Variants in RPRD2 observed in about 807,000 individuals in gnomAD.
RPRD2 encodes regulation of nuclear pre-mRNA domain containing 2, also known as regulation of nuclear pre-mRNA domain-containing protein 2.
In RPRD2, 12 loss-of-function variants were observed where a neutral mutation model predicts 104.4. The ratio of observed to expected loss-of-function variants is 0.11; its 90% CI spans 0.07 to 0.19. The LOEUF (loss-of-function observed/expected upper bound fraction) is 0.19, where lower values mean the gene tolerates loss of function less well. Among genes scored for constraint, RPRD2 ranks in the 10% least tolerant of loss-of-function variants. RPRD2 has a pLI of 1.00. For synonymous variants in RPRD2, 714 were observed against 684.9 expected (o/e 1.04, Z -0.66); for missense variants, 1,543 against 1,790.1 (o/e 0.86, Z 2.49).
At chr1:150,460,347 G>A (rs1264646294) in intron 9 of RPRD2, 30 bp downstream of exon 9, 1 of 1,573,314 alleles carries the variant, frequency 6.4e-7, no homozygotes, top group African/African-American at 1.4e-5. Context: ...AGGATAAAAA[G>A]TTAATTTCCA....
chr1:150,471,520 C>T lies in RPRD2; in HGVS notation c.2572C>T (p.Leu858=). ...NLEKKPAKSI[L]KSSKLSDTTE... is the part of the protein sequence containing the mutation. ...AGAGAAGAAACCAGCCAAATCTATC[C>T]TGAAATCAAGCAAGCTGTCTGATAC... is the stretch of plus-strand genomic sequence containing the variant. The change falls in exon 11 of 11, where the codon CTG becomes TTG. Residue 858 remains leucine (L), a synonymous_variant. Transcript: ENST00000369068. This position sits in a 1 kb window ranked among gnomAD's most constrained non-coding sequence, Gnocchi z 5.3. 1 of 1,613,856 alleles carries T rather than the reference C, an allele frequency of 6.2e-7. No individual in the cohort carries two copies. The highest frequency in any genetic ancestry group is 8.5e-7 in the Non-Finnish European group (1 of 1,179,858).
chr1:150,444,500 G>C, intron 6 of RPRD2, 123 bp downstream of exon 6: 2 of 856,318 alleles, frequency 2.3e-6, no homozygotes, highest in Non-Finnish European at 3.5e-6. Flanking sequence ...GGCACCTCTG[G>C]TTTCCCAGGT....
intron 1 of RPRD2, among the ~76,000 whole-genome samples, chr1:150,376,722 G>A (rs61817501): frequency 0.035 from 5,323 of 150,970 alleles, 150 homozygotes; most frequent in Non-Finnish European, 0.046. Context: ...GGATGGTCTC[G>A]ATCTCCTGAC....
In RPRD2 at chr1:150,410,595, A is replaced by G. The variant is rs1039361366; in HGVS notation, c.206-7001A>G. ...AGATTCCCATTATTAACATTTTAAC[A>G]TATTTGCTTTATCTCTCTTACTGCT... On this transcript the variant is annotated intron_variant, in intron 1 of 10. Coordinates refer to ENST00000369068, the MANE Select transcript of RPRD2 (RefSeq NM_015203.5). 3.9e-5 allele frequency among the ~76,000 whole-genome samples: 6 copies of G among 152,184 alleles called. No homozygotes were observed. In the East Asian group the frequency reaches 5.8e-4, roughly 15 times the overall value.
intron 1 of RPRD2, among the ~76,000 whole-genome samples, chr1:150,403,608 T>G (rs756568300): frequency 5.9e-5 from 9 of 152,154 alleles, no homozygotes; most frequent in Non-Finnish European, 1.3e-4. Context: ...CTCCTTCTTA[T>G]GGGTGGATAA....
chr1:150,415,167 A>G (rs1391822207), intron 1 of RPRD2, among the ~76,000 whole-genome samples: 3 of 152,014 alleles, frequency 2.0e-5, no homozygotes, highest in Non-Finnish European at 2.9e-5. Flanking sequence ...CATCTCTACT[A>G]AAAATACAAA....
chr1:150,391,440 C>T (rs1553883106), intron 1 of RPRD2, among the ~76,000 whole-genome samples: 1 of 152,088 alleles, frequency 6.6e-6, no homozygotes, highest in African/African-American at 2.4e-5. Flanking sequence ...AGGTGTGAGC[C>T]ACCACACTGG....
chr1:150,454,583 C>T (rs782650803), intron 7 of RPRD2, among the ~76,000 whole-genome samples: 37 of 152,152 alleles, frequency 2.4e-4, no homozygotes, highest in Non-Finnish European at 3.7e-4. Flanking sequence ...CACAGTGGCT[C>T]ACACGTGTAA....
intron 1 of RPRD2, among the ~76,000 whole-genome samples, chr1:150,388,662 T>G (rs1179245992): frequency 1.3e-5 from 2 of 151,136 alleles, no homozygotes; most frequent in African/African-American, 2.4e-5. Flanking sequence ...TCGCCCAGGC[T>G]GGAGTGCAGT....
Position 150,457,269 on chromosome 1 carries a change from C to A in RPRD2, c.871-19C>A. 1 of 1,596,442 alleles carries A rather than the reference C, an allele frequency of 6.3e-7. No individual in the cohort carries two copies. The highest frequency in any genetic ancestry group is 1.1e-5 in the South Asian group (1 of 88,044). ...TTCTGGTCTTTTTCCAAGGAGTAAA[C>A]TCCTTTTTTCTCTTTTAGGCATATA... is the stretch of plus-strand genomic sequence containing the variant. On this transcript the variant is annotated intron_variant, in intron 7 of 10. Coordinates refer to ENST00000369068, the MANE Select transcript of RPRD2 (RefSeq NM_015203.5).
chr1:150,441,351 GC>G (rs1337523491), intron 3 of RPRD2: 1 of 235,928 alleles, frequency 4.2e-6, no homozygotes, highest in African/African-American at 2.3e-5. Flanking sequence ...ACTGCCCTGT[GC>G]CCTTACTGTT....
chr1:150,436,962 T>A (rs1448977882), intron 2 of RPRD2, among the ~76,000 whole-genome samples: 1 of 152,092 alleles, frequency 6.6e-6, no homozygotes, highest in Non-Finnish European at 1.5e-5. Context: ...TCCCAGCACT[T>A]TGGAAGTCCG....
At chr1:150,399,177 T>G (rs1173346801) in intron 1 of RPRD2, among the ~76,000 whole-genome samples, 1 of 151,800 alleles carries the variant, frequency 6.6e-6, no homozygotes, top group African/African-American at 2.4e-5. Flanking sequence ...TATCTTTTAA[T>G]TTTTCTTTAT....
rs587764066 is a variant in RPRD2, at chr1:150,464,564, C to T, written c.1449C>T (p.Pro483=). The change falls in exon 10 of 11, where the codon CCC becomes CCT. Residue 483 remains proline (P), a synonymous_variant. Coordinates refer to ENST00000369068, the MANE Select transcript of RPRD2 (RefSeq NM_015203.5). ...SPASRPSPGT[P]TSPSNLTSGL... ...CATCAAGACCTTCTCCAGGAACGCCCACCAGCCCCAGCAACCTCACCAGTG... is the reference window on the plus strand; with the variant it reads ...CATCAAGACCTTCTCCAGGAACGCCTACCAGCCCCAGCAACCTCACCAGTG... 1.1e-5 allele frequency: 17 copies of T among 1,605,856 alleles called. No homozygotes were observed. In the South Asian group the frequency reaches 1.9e-4, roughly 18 times the overall value.
At chr1:150,429,012 A>G (rs1201168188) in intron 2 of RPRD2, among the ~76,000 whole-genome samples, 2 of 152,082 alleles carry the variant, frequency 1.3e-5, no homozygotes, top group East Asian at 3.8e-4. Context: ...AAAATCAAAG[A>G]AGAAAAGGTT....
At position 150,472,567 on chromosome 1, in the gene RPRD2, A is replaced by G. The variant is rs1348175085; in HGVS notation, c.3619A>G (p.Arg1207Gly). Residue 1207 changes from arginine to glycine, a missense_variant, in exon 11 of 11, where the codon AGA (arginine) becomes GGA (glycine). This residue lies in a region of RPRD2 where 880 missense variants were observed against 885.6 expected (regional missense o/e 0.99). Transcript: ENST00000369068. ...CTTGGAACATGGGACACCCTTCCAG[A>G]GAGAGCCAGTGGGGCCATCATCTGC... Reference protein sequence around the residue: ...SPLEHGTPFQREPVGPSSAPP... With the variant: ...SPLEHGTPFQGEPVGPSSAPP... 6.2e-7 allele frequency: 1 copy of G among 1,613,828 alleles called. No homozygotes were observed. The highest frequency in any genetic ancestry group is 8.5e-7 in the Non-Finnish European group (1 of 1,179,868).
At chr1:150,443,769 G>A (rs1666559258) in intron 5 of RPRD2, among the ~76,000 whole-genome samples, 1 of 152,066 alleles carries the variant, frequency 6.6e-6, no homozygotes, top group African/African-American at 2.4e-5. Context: ...ACTTTGGGAG[G>A]CCGAGGTGGG....
intron 1 of RPRD2, among the ~76,000 whole-genome samples, chr1:150,402,979 AAAC>A (rs1352749238): frequency 7.4e-6 from 1 of 134,884 alleles, no homozygotes; most frequent in African/African-American, 2.5e-5. Context: ...AAAAAAACAA[AAAC>A]AAAAAAGATC....
chr1:150,444,421 T>TA (rs781991734), intron 6 of RPRD2, 44 bp downstream of exon 6: 3 of 1,590,048 alleles, frequency 1.9e-6, no homozygotes, highest in African/African-American at 1.4e-5. Context: ...TTTCTTTCCA[T>TA]ATGTGTCATT....
Sources: allele counts gnomAD v4.1 joint callset (sites outside exome capture counted in the v4.1 genomes callset), GRCh38; gene constraint gnomAD v4.1.1; regional missense constraint gnomAD v4.1.1; non-coding constraint Gnocchi (gnomAD v3.1); transcripts MANE v1.5; gene names NCBI Gene and HGNC (gene_info 2026-07-23, HGNC 2026-07-21).